Variants in KANK1 observed in about 807,000 individuals in gnomAD.
KANK1 encodes KN motif and ankyrin repeat domains 1.
A neutral mutation model predicts 106.2 loss-of-function variants in KANK1; 109 were observed. That is an observed-to-expected ratio of 1.03 (90% CI 0.88 to 1.20). The LOEUF (loss-of-function observed/expected upper bound fraction) is 1.20. Ranked by LOEUF, KANK1 falls within the 50% of genes most tolerant of loss-of-function variation. The pLI is 0.00. For missense variants in KANK1, 2,399 were observed against 1,710.7 expected (o/e 1.40, Z -7.10); for synonymous variants, 873 against 652.2 (o/e 1.34, Z -5.16).
intron 1 of KANK1, among the ~76,000 whole-genome samples, chr9:571,584 A>ATTTT (rs1819185041): frequency 6.6e-6 from 1 of 152,134 alleles, no homozygotes; most frequent in Non-Finnish European, 1.5e-5. Context: ...AAAAATTTTA[A>ATTTT]AAACGTTTTT....
At chr9:678,285 C>T (rs769689302) in intron 2 of KANK1, among the ~76,000 whole-genome samples, 2 of 152,148 alleles carry the variant, frequency 1.3e-5, no homozygotes, top group Non-Finnish European at 2.9e-5. Flanking sequence ...TCATTGAACA[C>T]TTAAATGCAC....
chr9:483,321 TA>T (rs1250815470), intron 3 of KANK1, among the ~76,000 whole-genome samples: 7 of 152,122 alleles, frequency 4.6e-5, no homozygotes, highest in African/African-American at 1.4e-4. Flanking sequence ...GGGGCACTAA[TA>T]AAAAAGCACT....
chr9:592,072 CAT>C (rs1215498698), intron 1 of KANK1, among the ~76,000 whole-genome samples: 10 of 151,762 alleles, frequency 6.6e-5, no homozygotes, highest in East Asian at 3.9e-4. Flanking sequence ...TAGTGCTTAA[CAT>C]GTGGTATTTG....
intron 1 of KANK1, among the ~76,000 whole-genome samples, chr9:568,886 C>A (rs1348040678): frequency 2.0e-5 from 3 of 152,046 alleles, no homozygotes; most frequent in Admixed American, 6.6e-5. Context: ...CTTAAAAAAC[C>A]CTTAATATGT....
chr9:573,548 G>A (rs1819754614), intron 1 of KANK1, among the ~76,000 whole-genome samples: 2 of 152,130 alleles, frequency 1.3e-5, no homozygotes, highest in African/African-American at 2.4e-5. Flanking sequence ...GGGATTACAG[G>A]CATGAGCCAC....
chr9:629,973 C>T (rs1050636976), intron 1 of KANK1, among the ~76,000 whole-genome samples: 37 of 152,202 alleles, frequency 2.4e-4, no homozygotes, highest in African/African-American at 7.5e-4. Context: ...GAAGGCCAGG[C>T]GCACTGGCTC....
At chr9:484,379 A>G (rs2132210149) in intron 3 of KANK1, 2 of 152,384 alleles carry the variant, frequency 1.3e-5, no homozygotes, top group African/African-American at 4.8e-5. Context: ...GAAGATTAAA[A>G]GAACAAGAGA....
chr9:650,500 C>G (rs900139933), intron 1 of KANK1, among the ~76,000 whole-genome samples: 1 of 152,170 alleles, frequency 6.6e-6, no homozygotes, highest in African/African-American at 2.4e-5. Context: ...TTCTGCATTT[C>G]TAACTAGCTG....
At chr9:569,777 G>A (rs1439592555) in intron 1 of KANK1, among the ~76,000 whole-genome samples, 1 of 151,320 alleles carries the variant, frequency 6.6e-6, no homozygotes, top group Non-Finnish European at 1.5e-5. Flanking sequence ...TTCTATTAAT[G>A]CATTCATTAT....
intron 1 of KANK1, chr9:547,173 A>G (rs1019681229): frequency 4.6e-5 from 7 of 152,138 alleles, no homozygotes; most frequent in Admixed American, 3.3e-4. Flanking sequence ...CTGGCTGCTC[A>G]TTTGATAATC....
At chr9:541,470 C>G (rs538698144) in intron 1 of KANK1, among the ~76,000 whole-genome samples, 2 of 152,232 alleles carry the variant, frequency 1.3e-5, no homozygotes, top group South Asian at 2.1e-4. Flanking sequence ...GAGGATTTGA[C>G]TGCAAAATGG....
intron 3 of KANK1, among the ~76,000 whole-genome samples, chr9:493,975 C>T (rs983266354): frequency 1.3e-5 from 2 of 152,072 alleles, no homozygotes; most frequent in East Asian, 1.9e-4. Context: ...TTACACCTCC[C>T]GGGTTCAAGC....
chr9:587,043 C>A (rs1424552038), intron 1 of KANK1, among the ~76,000 whole-genome samples: 1 of 152,182 alleles, frequency 6.6e-6, no homozygotes, highest in African/African-American at 2.4e-5. Flanking sequence ...GGATGGACTT[C>A]TGAACTAGTG....
At chr9:556,705 G>C (rs1385065719) in intron 1 of KANK1, among the ~76,000 whole-genome samples, 1 of 151,968 alleles carries the variant, frequency 6.6e-6, no homozygotes, top group African/African-American at 2.4e-5. Context: ...TTTCTCTCTA[G>C]CTCTTGCCCT....
intron 3 of KANK1, among the ~76,000 whole-genome samples, chr9:719,602 T>C (rs941636238): frequency 2.0e-5 from 3 of 152,212 alleles, no homozygotes; most frequent in Admixed American, 1.3e-4. Context: ...TTTTAATATA[T>C]TTTTTTAAAT....
At chr9:586,369 C>T (rs1823470898) in intron 1 of KANK1, among the ~76,000 whole-genome samples, 1 of 152,154 alleles carries the variant, frequency 6.6e-6, no homozygotes, top group Non-Finnish European at 1.5e-5. Flanking sequence ...AGGCTGTGAT[C>T]TGCAGAGGGT....
chr9:581,331 C>T (rs1313936068), intron 1 of KANK1, among the ~76,000 whole-genome samples: 2 of 152,200 alleles, frequency 1.3e-5, no homozygotes, highest in East Asian at 3.9e-4. Context: ...CTTAAACAGA[C>T]CCTTTACATG....
chr9:620,640 C>T (rs1223412635), intron 1 of KANK1, among the ~76,000 whole-genome samples: 1 of 152,098 alleles, frequency 6.6e-6, no homozygotes, highest in Admixed American at 6.5e-5. Context: ...TGCCTGACCT[C>T]ATGATCCAGC....
chr9:624,568 C>T (rs988062598), intron 1 of KANK1, among the ~76,000 whole-genome samples: 7 of 152,090 alleles, frequency 4.6e-5, no homozygotes. Context: ...CTTTGAGAGG[C>T]TGAGGTGGGT....
Sources: allele counts gnomAD v4.1 joint callset (sites outside exome capture counted in the v4.1 genomes callset), GRCh38; gene constraint gnomAD v4.1.1; transcripts MANE v1.5; gene names NCBI Gene and HGNC (gene_info 2026-07-23, HGNC 2026-07-21).